The following SOX5 variants were observed in gnomAD, a reference collection of about 807,000 sequenced individuals.
The protein encoded by SOX5 is SRY-box transcription factor 5.
In SOX5, 9 loss-of-function variants were observed where a neutral mutation model predicts 92.0. That is an observed-to-expected ratio of 0.10 (90% CI 0.06 to 0.17). SOX5 has a LOEUF of 0.17. Ranked by LOEUF, SOX5 falls within the 10% of genes least tolerant of loss-of-function variation. SOX5 has a pLI of 1.00. For synonymous variants in SOX5, 344 were observed against 336.3 expected (o/e 1.02, Z -0.25); for missense variants, 642 against 944.5 (o/e 0.68, Z 4.20).
chr12:24,007,795 A>G (rs1217513951), intron 4 of SOX5, among the ~76,000 whole-genome samples: 500 of 14,024 alleles, frequency 0.036, 8 homozygotes, highest in South Asian at 0.15. Flanking sequence ...ATACGCACGC[A>G]CACACACACA....
intron 3 of SOX5, among the ~76,000 whole-genome samples, chr12:24,238,572 G>T (rs1418014132): frequency 6.6e-6 from 1 of 152,082 alleles, no homozygotes; most frequent in Non-Finnish European, 1.5e-5. Flanking sequence ...GCCCAGGTTG[G>T]TCTTAAACTC....
rs1041975883 is a variant in SOX5, at chr12:23,611,322, AT to A, written c.1018-6790del. On this transcript the variant is annotated intron_variant, in intron 8 of 14. Transcript: ENST00000451604. ...TATCCATGTTTTCACAAATAACAGG[AT>A]TTTTTTTTCAAGGCTGAAAAGTATT... is the stretch of plus-strand genomic sequence containing the variant. Among the ~76,000 whole-genome samples the A allele has an allele frequency of 1.1e-4, 16 of 148,288 alleles. No individual in the cohort carries two copies. In the East Asian group the frequency reaches 1.6e-3, roughly 15 times the overall value.
intron 1 of SOX5, among the ~76,000 whole-genome samples, chr12:23,915,996 A>G (rs1207879391): frequency 6.6e-6 from 1 of 152,190 alleles, no homozygotes; most frequent in East Asian, 1.9e-4. Flanking sequence ...TTAGATTGAT[A>G]CAGTGCATTT....
At chr12:23,654,739 GTATAA>G (rs759040996) in intron 7 of SOX5, among the ~76,000 whole-genome samples, 3 of 152,082 alleles carry the variant, frequency 2.0e-5, no homozygotes, top group Non-Finnish European at 2.9e-5. Context: ...TGCTAGAATA[GTATAA>G]TATGACTTTA....
At chr12:23,965,650 G>A (rs1214486893) in intron 4 of SOX5, among the ~76,000 whole-genome samples, 1 of 152,068 alleles carries the variant, frequency 6.6e-6, no homozygotes, top group Non-Finnish European at 1.5e-5. Context: ...ATGGAGTCTT[G>A]CTCTGTCACC....
intron 1 of SOX5, among the ~76,000 whole-genome samples, chr12:24,440,594 TTGTGTGTG>T (rs56082162): frequency 0.017 from 2,317 of 139,646 alleles, 38 homozygotes; most frequent in African/African-American, 0.039. Context: ...ACATGATCCT[TTGTGTGTG>T]TGTGTGTGTG....
intron 2 of SOX5, among the ~76,000 whole-genome samples, chr12:23,868,367 G>T (rs1410413715): frequency 6.6e-6 from 1 of 151,932 alleles, no homozygotes; most frequent in East Asian, 1.9e-4. Context: ...ACAACTTTAA[G>T]GTTCAGAAAA....
At chr12:23,931,953 A>T (rs1468418001) in intron 1 of SOX5, among the ~76,000 whole-genome samples, 1 of 151,534 alleles carries the variant, frequency 6.6e-6, no homozygotes, top group Non-Finnish European at 1.5e-5. Flanking sequence ...TGAACTAAGG[A>T]AGCCCTATTT....
intron 3 of SOX5, among the ~76,000 whole-genome samples, chr12:23,774,507 G>A (rs968659377): frequency 1.3e-5 from 2 of 152,030 alleles, no homozygotes; most frequent in African/African-American, 4.8e-5. Flanking sequence ...ATTCTGCTGA[G>A]TCAAATTTTT....
chr12:24,171,786 C>T (rs945905201), intron 4 of SOX5, among the ~76,000 whole-genome samples: 1 of 151,690 alleles, frequency 6.6e-6, no homozygotes, highest in Non-Finnish European at 1.5e-5. Flanking sequence ...TTGCTGGAGC[C>T]CAGGAGTTCG....
intron 1 of SOX5, among the ~76,000 whole-genome samples, chr12:24,428,629 C>T (rs1420256832): frequency 7.2e-6 from 1 of 138,520 alleles, no homozygotes; most frequent in Non-Finnish European, 1.5e-5. Context: ...AAAAATTAGG[C>T]ATGGTGGCAC....
chr12:24,506,003 A>G (rs1047968454), intron 1 of SOX5, among the ~76,000 whole-genome samples: 1 of 152,152 alleles, frequency 6.6e-6, no homozygotes, highest in East Asian at 1.9e-4. Flanking sequence ...ACTCCAGACA[A>G]TATTTGCCTT....
chr12:24,270,756 T>C (rs998526207), intron 3 of SOX5, among the ~76,000 whole-genome samples: 5 of 152,228 alleles, frequency 3.3e-5, no homozygotes, highest in African/African-American at 1.2e-4. Context: ...CTATCTACAG[T>C]GTGTTCCTAA....
intron 10 of SOX5, among the ~76,000 whole-genome samples, chr12:23,564,078 C>G (rs888771090): frequency 3.9e-5 from 6 of 152,142 alleles, no homozygotes; most frequent in Non-Finnish European, 1.5e-5. Context: ...CTACTCTTGA[C>G]TATAGTCACA....
At chr12:24,232,840 T>C (rs752687115) in intron 3 of SOX5, among the ~76,000 whole-genome samples, 4 of 152,226 alleles carry the variant, frequency 2.6e-5, no homozygotes, top group African/African-American at 4.8e-5. Context: ...TTCCATATAA[T>C]ATCCATATTT....
chr12:23,737,545 T>C (rs914973615), intron 5 of SOX5, among the ~76,000 whole-genome samples: 4 of 152,062 alleles, frequency 2.6e-5, no homozygotes, highest in Admixed American at 2.0e-4. Flanking sequence ...ATCTCAAACA[T>C]ATACATATAT....
At chr12:24,234,057 CTTCCTCA>C (rs1301247714) in intron 3 of SOX5, among the ~76,000 whole-genome samples, 1 of 152,214 alleles carries the variant, frequency 6.6e-6, no homozygotes, top group Non-Finnish European at 1.5e-5. Context: ...CCGAGGCCAA[CTTCCTCA>C]TACTTCCTAT....
chr12:23,603,453 T>TATAC (rs1234197229), intron 9 of SOX5, among the ~76,000 whole-genome samples: 3 of 144,776 alleles, frequency 2.1e-5, no homozygotes. Flanking sequence ...AAAATATATA[T>TATAC]ATATATATAT....
chr12:23,967,210 C>T lies in SOX5; in HGVS notation c.-1-71186G>A, dbSNP rs113016434. 4.3e-3 allele frequency among the ~76,000 whole-genome samples: 657 copies of T among 152,160 alleles called. 4 individuals are homozygous for T. Among genetic ancestry groups the T allele is most frequent in the African/African-American group, 0.015 (606 of 41,536 alleles). On this transcript the variant is annotated intron_variant, in intron 4 of 4. Coordinates refer to the SOX5 transcript ENST00000446891. ...TAAGGAAATGAATTTGAAAAGTCGA[C>T]ACTAGGTGGGTCCATAGTAATGAAC...
Sources: gnomAD v4.1 joint callset for allele counts (sites outside exome capture counted in the v4.1 genomes callset) on GRCh38, gnomAD v4.1.1 for gene constraint, MANE v1.5 for transcripts, NCBI Gene and HGNC (gene_info 2026-07-23, HGNC 2026-07-21) for gene names.